The following HADHA variants were observed in gnomAD, a reference collection of about 807,000 sequenced individuals.
HADHA encodes the protein hydroxyacyl-CoA dehydrogenase trifunctional multienzyme complex subunit alpha.
In HADHA, 59 loss-of-function variants were observed where a neutral mutation model predicts 91.3. That is an observed-to-expected ratio of 0.65 (90% CI 0.52 to 0.80). The LOEUF (loss-of-function observed/expected upper bound fraction) is 0.80. Ranked by LOEUF, HADHA falls within the 30% of genes least tolerant of loss-of-function variation. The pLI is 0.00. For synonymous variants in HADHA, 320 were observed against 338.9 expected (o/e 0.94, Z 0.61); for missense variants, 800 against 927.6 (o/e 0.86, Z 1.79).
At chr2:26,244,022 G>A (rs1472836587) in intron 1 of HADHA, among the ~76,000 whole-genome samples, 1 of 152,260 alleles carries the variant, frequency 6.6e-6, no homozygotes, top group Non-Finnish European at 1.5e-5. Context: ...CTTGATTGGG[G>A]TAGTAAGCAC....
intron 6 of HADHA, among the ~76,000 whole-genome samples, chr2:26,231,483 C>T (rs1200907817): frequency 6.6e-6 from 1 of 152,056 alleles, no homozygotes; most frequent in Non-Finnish European, 1.5e-5. Flanking sequence ...CCAAATCAGA[C>T]AATGAGGGAA....
rs571771096 is a variant in HADHA, at chr2:26,216,610, C to T, written c.677-1435G>A. 3.3e-5 allele frequency among the ~76,000 whole-genome samples: 5 copies of T among 152,162 alleles called. No homozygotes were observed. The South Asian group carries it at 1.0e-3, about 32-fold the overall frequency. ...TGCTAGGATTACAGGTGTGAGCCAC[C>T]GAGCCTGGACCATTTGGCCTATTTT... On this transcript the variant is annotated intron_variant, in intron 7 of 19. Transcript: ENST00000380649.
At chr2:26,192,241 A>T in intron 18 of HADHA, 69 bp downstream of exon 18, 4 of 795,766 alleles carry the variant, frequency 5.0e-6, no homozygotes, top group Non-Finnish European at 8.8e-6. Flanking sequence ...AAAATGGAAG[A>T]GGGGCTGGGA....
intron 14 of HADHA, 145 bp from the exon 15 acceptor site, chr2:26,195,377 T>A: frequency 1.3e-6 from 1 of 774,026 alleles, no homozygotes; most frequent in Non-Finnish European, 2.3e-6. Flanking sequence ...TTTGGTTCCA[T>A]GGGTCTTTGA....
Position 26,197,739 on chromosome 2 carries a change from A to C in HADHA, c.1431T>G (p.Ser477=), listed in dbSNP as rs758130768. 2 of 1,562,712 alleles carry C rather than the reference A, an allele frequency of 1.3e-6. No individual in the cohort carries two copies. Among genetic ancestry groups the C allele is most frequent in the Non-Finnish European group, 8.8e-7 (1 of 1,132,870 alleles). The change falls in exon 14 of 20, where the codon TCT becomes TCG. Residue 477 remains serine, a synonymous_variant. Coordinates refer to ENST00000380649, the MANE Select transcript of HADHA (RefSeq NM_000182.5). ...PDHCIFASNT[S]ALPISEIAAV... ...CAGCGATTTCACTGATTGGGAGAGC[A>C]GATGTGTTACTGGCAAAGATACAGT...
rs547499985 is a variant in HADHA at position 26,195,302 on chromosome 2, G to A, written c.1480-70C>T. 7.3e-5 allele frequency: 94 copies of A among 1,295,566 alleles called. No individual in the cohort carries two copies. In the African/African-American group the frequency reaches 1.2e-3, roughly 17 times the overall value. The allele number at this position is 1,295,566 out of a possible 1,614,324, so 80.3% of individuals were successfully genotyped here. On this transcript the variant is annotated intron_variant, in intron 14 of 19. Transcript: ENST00000380649. ...AGGAACCTGAGAGCATTCCTTCTCT[G>A]CTAGGAAAACACTAGAAAGAAAGGT...
chr2:26,215,262 G>T, intron 7 of HADHA, 87 bp from the exon 8 acceptor site: 1 of 1,210,102 alleles, frequency 8.3e-7, no homozygotes, highest in Non-Finnish European at 1.2e-6. Flanking sequence ...AAAGCCAAAG[G>T]CCCTAGCACA....
intron 11 of HADHA, among the ~76,000 whole-genome samples, chr2:26,207,134 G>A (rs1336256265): frequency 6.6e-6 from 1 of 152,044 alleles, no homozygotes; most frequent in Non-Finnish European, 1.5e-5. Flanking sequence ...GGAGTTTAAG[G>A]TTATGGTGAG....
At chr2:26,200,735 CT>C (rs11347603) in intron 13 of HADHA, among the ~76,000 whole-genome samples, 112,349 of 138,948 alleles carry the variant, frequency 0.81, 45,403 homozygotes, top group African/African-American at 0.94. Context: ...AACAAAAAGT[CT>C]TTTTTTTTTT....
chr2:26,239,140 T>TAA lies in HADHA; in HGVS notation c.69_70dup (p.Tyr24PhefsTer14). ...AGACCCTGTAAAATTGCGGCATATATAACCTGTAAGAAAAGACATTTCAAA... is the reference window on the plus strand; with the variant it reads ...AGACCCTGTAAAATTGCGGCATATATAAAACCTGTAAGAAAAGACATTTCAAA... On this transcript the variant is annotated frameshift_variant, in exon 2 of 20. Coordinates refer to ENST00000380649, the MANE Select transcript of HADHA (RefSeq NM_000182.5). LOFTEE classifies it high-confidence loss of function. 6.3e-7 allele frequency: 1 copy of TAA among 1,599,460 alleles called. No homozygotes were observed. The highest frequency in any genetic ancestry group is 8.6e-7 in the Non-Finnish European group (1 of 1,166,852).
chr2:26,203,498 T>C (rs1216218562), intron 12 of HADHA, among the ~76,000 whole-genome samples: 2 of 152,156 alleles, frequency 1.3e-5, no homozygotes, highest in Non-Finnish European at 2.9e-5. Context: ...AGAGGTAAGA[T>C]GGAGATAGTC....
chr2:26,209,578 G>A lies in HADHA; in HGVS notation c.1085+202C>T, dbSNP rs552325549. On this transcript the variant is annotated intron_variant, in intron 11 of 19. Coordinates refer to ENST00000380649, the MANE Select transcript of HADHA (RefSeq NM_000182.5). ...AAAGCCTCTATAGGAATGACCAGAG[G>A]GGTTTGGAAAAAACTCAGAACAGGC... 4.1e-4 allele frequency among the ~76,000 whole-genome samples: 63 copies of A among 152,198 alleles called. No individual in the cohort carries two copies. The South Asian group carries it at 0.012, about 30-fold the overall frequency.
intron 10 of HADHA, chr2:26,211,880 A>G (rs1250472716): frequency 6.6e-6 from 1 of 151,448 alleles, no homozygotes; most frequent in African/African-American, 2.4e-5. Context: ...ATTCAATTTC[A>G]TCATCTCTAG....
intron 4 of HADHA, among the ~76,000 whole-genome samples, chr2:26,236,145 T>C (rs1670745970): frequency 6.6e-6 from 1 of 152,248 alleles, no homozygotes; most frequent in South Asian, 2.1e-4. Context: ...TCTAACATCA[T>C]ATTGTGGATC....
chr2:26,204,070 C>G lies in HADHA; in HGVS notation c.1212G>C (p.Val404=), dbSNP rs116396996. The G allele has an allele frequency of 7.0e-4, 1,130 of 1,613,992 alleles. 1 individual carries two copies. The highest frequency in any genetic ancestry group is 8.8e-4 in the Non-Finnish European group (1,042 of 1,179,840). The change falls in exon 12 of 20, where the codon GTG becomes GTC. Residue 404 remains valine, a synonymous_variant. Transcript: ENST00000380649. ...LTALDRGQQQ[V]FKGLNDKVKK... The stretch of plus-strand genomic sequence containing the variant: ...AGAGAGAGCAGGCTTACCCTTTGAA[C>G]ACTTGTTGCTGTCCTCGGTCTAGCG...
At chr2:26,226,015 G>A (rs1235904206) in intron 7 of HADHA, among the ~76,000 whole-genome samples, 2 of 151,776 alleles carry the variant, frequency 1.3e-5, no homozygotes, top group Non-Finnish European at 2.9e-5. Flanking sequence ...CAAGATACAA[G>A]GTCCATGTCC....
chr2:26,239,254 G>T, intron 1 of HADHA, 111 bp from the exon 2 acceptor site: 1 of 801,028 alleles, frequency 1.2e-6, no homozygotes, highest in South Asian at 1.4e-5. Context: ...CCCCAAATCT[G>T]TACAATGTAT....
At position 26,201,134 on chromosome 2, in the gene HADHA, C is replaced by T. The variant is rs910748458; in HGVS notation, c.1392+15G>A. 23 of 1,595,272 alleles carry T rather than the reference C, an allele frequency of 1.4e-5. No homozygotes were observed. In the Admixed American group the frequency reaches 1.7e-4, roughly 12 times the overall value. ...TCACTACACTAGGATTCAAGTACAA[C>T]AGCCCCTTGCTTACCGCTTCTACTT... is the stretch of plus-strand genomic sequence containing the variant. On this transcript the variant is annotated intron_variant, in intron 13 of 19. Transcript: ENST00000380649.
intron 10 of HADHA, chr2:26,211,922 C>T (rs1670109378): frequency 6.5e-6 from 1 of 152,804 alleles, no homozygotes; most frequent in Non-Finnish European, 1.5e-5. Context: ...ATTTTTCTGT[C>T]TTTGTATTCA....
Sources: gnomAD v4.1 joint callset for allele counts (sites outside exome capture counted in the v4.1 genomes callset) on GRCh38, gnomAD v4.1.1 for gene constraint, MANE v1.5 for transcripts, NCBI Gene and HGNC (gene_info 2026-07-23, HGNC 2026-07-21) for gene names.